The following GRHL2 variants were observed in gnomAD, a reference collection of about 807,000 sequenced individuals.
The protein encoded by GRHL2 is grainyhead like transcription factor 2.
A neutral mutation model predicts 83.8 loss-of-function variants in GRHL2; 21 were observed. That is an observed-to-expected ratio of 0.25 (90% CI 0.18 to 0.36). GRHL2 has a LOEUF of 0.36. Among genes scored for constraint, GRHL2 ranks in the 10% least tolerant of loss-of-function variants. GRHL2 has a pLI of 1.00. For missense variants in GRHL2, 623 were observed against 781.8 expected, an observed-to-expected ratio of 0.80 and a Z score of 2.42; for synonymous variants, 280 against 278.9, an observed-to-expected ratio of 1.00 and a Z score of -0.04.
At chr8:101,644,269 G>A in intron 13 of GRHL2, 44 bp downstream of exon 13, 5 of 1,491,710 alleles carry the variant, frequency 3.4e-6, no homozygotes, top group Non-Finnish European at 4.6e-6. Context: ...GGGATGCGGG[G>A]TGTCTCTCCC....
intron 8 of GRHL2, among the ~76,000 whole-genome samples, chr8:101,605,574 C>T (rs1026201857): frequency 8.5e-5 from 13 of 152,218 alleles, no homozygotes; most frequent in African/African-American, 1.7e-4. Flanking sequence ...CCTGTCCTCA[C>T]GCCACACTTT....
At chr8:101,495,722 G>A (rs1286847876) in intron 1 of GRHL2, among the ~76,000 whole-genome samples, 2 of 152,190 alleles carry the variant, frequency 1.3e-5, no homozygotes. Context: ...GGCATGCGAA[G>A]ATGGATAAGA....
chr8:101,536,563 G>C (rs757548964), intron 1 of GRHL2, among the ~76,000 whole-genome samples: 1 of 152,168 alleles, frequency 6.6e-6, no homozygotes, highest in Non-Finnish European at 1.5e-5. Context: ...GGTTAACTAA[G>C]TAATCCAGGG....
intron 12 of GRHL2, among the ~76,000 whole-genome samples, chr8:101,643,584 A>G (rs553173275): frequency 6.6e-6 from 1 of 152,268 alleles, no homozygotes; most frequent in East Asian, 1.9e-4. Flanking sequence ...CTGAGTGTGT[A>G]AGGAACTTCC....
At chr8:101,681,151 A>C in the GRHL2 span, among the ~76,000 whole-genome samples, 23 of 150,198 alleles carry the variant, frequency 1.5e-4, no homozygotes, top group Non-Finnish European at 2.9e-4. Context: ...GGTTTTTTAT[A>C]AGGATCAACA....
chr8:101,495,871 A>T (rs890987285), intron 1 of GRHL2, among the ~76,000 whole-genome samples: 2 of 152,166 alleles, frequency 1.3e-5, no homozygotes, highest in Non-Finnish European at 2.9e-5. Flanking sequence ...TACAGGGGCC[A>T]GGCGCGGCGG....
At chr8:101,530,189 G>T (rs1211447083) in intron 1 of GRHL2, among the ~76,000 whole-genome samples, 2 of 152,160 alleles carry the variant, frequency 1.3e-5, no homozygotes, top group Non-Finnish European at 2.9e-5. Context: ...CAAAGGTGGG[G>T]TGCAGCCTTC....
intron 8 of GRHL2, among the ~76,000 whole-genome samples, chr8:101,609,854 CT>C (rs2130343582): frequency 6.6e-6 from 1 of 151,192 alleles, no homozygotes; most frequent in South Asian, 2.1e-4. Context: ...GTTTACCCTT[CT>C]GTGCCTTTTG....
At chr8:101,665,872 G>C (rs1397462803) in intron 15 of GRHL2, among the ~76,000 whole-genome samples, 1 of 152,174 alleles carries the variant, frequency 6.6e-6, no homozygotes, top group East Asian at 1.9e-4. Flanking sequence ...TTGGCTTAAG[G>C]AAATTATGGA....
In GRHL2 at chr8:101,663,651, AAGT is replaced by A. The variant is rs1186237968; in HGVS notation, c.1699-798_1699-796del. 9.2e-5 allele frequency among the ~76,000 whole-genome samples: 14 copies of A among 152,024 alleles called. No individual in the cohort carries two copies. The South Asian group carries it at 2.3e-3, about 25-fold the overall frequency. On this transcript the variant is annotated intron_variant, in intron 14 of 15. Transcript: ENST00000646743. The stretch of plus-strand genomic sequence containing the variant: ...TAAATAAATAAATAAATAAAAATAA[AAGT>A]AGTATCCTACTTTGCTTTAATTTGA...
chr8:101,601,496 A>G (rs1018413864), intron 8 of GRHL2, among the ~76,000 whole-genome samples: 1 of 152,176 alleles, frequency 6.6e-6, no homozygotes, highest in Non-Finnish European at 1.5e-5. Context: ...CACCATAAGC[A>G]GGAGCTTACT....
chr8:101,606,540 T>C (rs1353887834), intron 8 of GRHL2, among the ~76,000 whole-genome samples: 3 of 152,186 alleles, frequency 2.0e-5, no homozygotes, highest in Admixed American at 2.0e-4. Context: ...AATGTTCTCA[T>C]CTATATTTGT....
intron 1 of GRHL2, among the ~76,000 whole-genome samples, chr8:101,539,266 T>C (rs527883910): frequency 6.6e-6 from 1 of 152,330 alleles, no homozygotes; most frequent in South Asian, 2.1e-4. Context: ...CTCTGAGGCA[T>C]GACAGAGTAA....
intron 2 of GRHL2, among the ~76,000 whole-genome samples, chr8:101,550,451 G>A (rs773016807): frequency 6.6e-6 from 1 of 152,058 alleles, no homozygotes; most frequent in African/African-American, 2.4e-5. Context: ...GCGGTATTTG[G>A]TTTTCTGTTC....
intron 8 of GRHL2, among the ~76,000 whole-genome samples, chr8:101,616,855 T>C (rs559910978): frequency 2.6e-5 from 4 of 152,222 alleles, no homozygotes; most frequent in Non-Finnish European, 5.9e-5. Context: ...ACAGACTGAA[T>C]GAATGAATAC....
In GRHL2 at chr8:101,521,821, G is replaced by A. The variant is rs76278983; in HGVS notation, c.21-21420G>A. Among the ~76,000 whole-genome samples, 1,518 of 152,290 alleles carry A rather than the reference G, an allele frequency of 1.0e-2. 22 individuals are homozygous for A. Among genetic ancestry groups the A allele is most frequent in the African/African-American group, 0.035 (1,438 of 41,552 alleles). On this transcript the variant is annotated intron_variant, in intron 1 of 15. Coordinates refer to ENST00000646743, the MANE Select transcript of GRHL2 (RefSeq NM_024915.4). ...ATGTAATTTTTTGTTAGCTTTTAGA[G>A]AACGCTGTGGTAATAAGCTGACTTG...
At chr8:101,519,171 CTT>C (rs892748418) in intron 1 of GRHL2, among the ~76,000 whole-genome samples, 4 of 151,658 alleles carry the variant, frequency 2.6e-5, no homozygotes, top group African/African-American at 9.7e-5. Flanking sequence ...AAAGTTATCA[CTT>C]TTTCTTCATT....
At chr8:101,586,610 C>T (rs1408446596) in intron 7 of GRHL2, among the ~76,000 whole-genome samples, 1 of 152,202 alleles carries the variant, frequency 6.6e-6, no homozygotes, top group Admixed American at 6.5e-5. Context: ...TTTATTCATC[C>T]TACTAGACGC....
At chr8:101,657,449 T>A (rs1194443590) in intron 14 of GRHL2, among the ~76,000 whole-genome samples, 1 of 152,164 alleles carries the variant, frequency 6.6e-6, no homozygotes, top group Admixed American at 6.5e-5. Flanking sequence ...ATCCTGGGTG[T>A]CAAGGAAGTC....
Sources: allele counts gnomAD v4.1 joint callset (sites outside exome capture counted in the v4.1 genomes callset), GRCh38; gene constraint gnomAD v4.1.1; transcripts MANE v1.5; gene names NCBI Gene and HGNC (gene_info 2026-07-23, HGNC 2026-07-21).